The following COL10A1 variants were observed in gnomAD, a reference collection of about 807,000 sequenced individuals.
COL10A1 encodes the protein collagen type X alpha 1 chain.
Under a neutral mutation model 18.2 loss-of-function variants are expected in COL10A1, and 10 were observed. That is an observed-to-expected ratio of 0.55 (90% CI 0.34 to 0.93). The LOEUF (loss-of-function observed/expected upper bound fraction) is 0.93, where lower values mean the gene tolerates loss of function less well. COL10A1 is among the 40% of genes least tolerant of loss of function. The probability of loss-of-function intolerance (pLI) is 0.02; values close to 1 mark genes in which losing one functional copy is unlikely to be tolerated. For missense variants in COL10A1, 897 were observed against 853.5 expected, an observed-to-expected ratio of 1.05 and a Z score of -0.64; for synonymous variants, 330 against 316.6, an observed-to-expected ratio of 1.04 and a Z score of -0.45.
At chr6:116,124,932 A>G (rs548283277) in intron 2 of COL10A1, among the ~76,000 whole-genome samples, 1 of 152,304 alleles carries the variant, frequency 6.6e-6, no homozygotes, top group African/African-American at 2.4e-5. Context: ...TTTAAAAGTA[A>G]ATGTTTAATA....
the COL10A1 span, among the ~76,000 whole-genome samples, chr6:116,172,133 T>C: frequency 6.6e-6 from 1 of 152,194 alleles, no homozygotes; most frequent in Admixed American, 6.5e-5. Context: ...TCCTAACCTG[T>C]TGTAAATTTG....
upstream of COL10A1, among the ~76,000 whole-genome samples, chr6:116,131,106 C>T (rs201995300): frequency 1.9e-4 from 29 of 152,036 alleles, no homozygotes; most frequent in East Asian, 5.0e-3. Context: ...CTCTGGTGTT[C>T]GGATATATGT....
chr6:116,137,527 C>T (rs1779641334), intron 1 of COL10A1: 1 of 211,748 alleles, frequency 4.7e-6, no homozygotes, highest in South Asian at 8.9e-5. Flanking sequence ...ATGTATTTCA[C>T]AGTCTCCTCA....
chr6:116,141,147 G>A (rs1185156832), intron 1 of COL10A1, among the ~76,000 whole-genome samples: 1 of 152,044 alleles, frequency 6.6e-6, no homozygotes, highest in Non-Finnish European at 1.5e-5. Flanking sequence ...TCATTTTATT[G>A]TATTTGTATG....
intron 2 of COL10A1, among the ~76,000 whole-genome samples, chr6:116,123,795 T>G (rs1007626753): frequency 6.6e-6 from 1 of 152,092 alleles, no homozygotes; most frequent in African/African-American, 2.4e-5. Context: ...TGTTAAGATA[T>G]TTTCATTTGT....
At chr6:116,158,435 A>T (rs990571223) in intron 1 of COL10A1, among the ~76,000 whole-genome samples, 2 of 152,350 alleles carry the variant, frequency 1.3e-5, no homozygotes, top group East Asian at 3.9e-4. Context: ...AGTGAAGACA[A>T]GAAGATAAAA....
intron 1 of COL10A1, among the ~76,000 whole-genome samples, chr6:116,141,885 AACACACACACACACACACACAC>A (rs3051942): frequency 3.6e-5 from 5 of 140,404 alleles, no homozygotes; most frequent in Admixed American, 7.1e-5. Flanking sequence ...CCAAAAAGAA[AACACACACACACACACACACAC>A]ACACACACAC....
In COL10A1 at chr6:116,120,999, G is replaced by T. The variant is rs1483675472; in HGVS notation, c.1117C>A (p.Pro373Thr). 1 of 1,613,620 alleles carries T rather than the reference G, an allele frequency of 6.2e-7. No individual in the cohort carries two copies. The highest frequency in any genetic ancestry group is 8.5e-7 in the Non-Finnish European group (1 of 1,179,852). ...GAACCCCTTTCACCCTTAGCCCCAG[G>T]GTATCCTGCAGGCCCAGCTGGCCCT... ...ETGPAGPAGY[P>T]GAKGERGSPG... The change falls in exon 3 of 3, where the codon CCT becomes ACT. Residue 373 changes from proline to threonine, a missense_variant. Transcript: ENST00000651968.
the COL10A1 span, among the ~76,000 whole-genome samples, chr6:116,164,610 C>T: frequency 1.3e-5 from 2 of 152,048 alleles, no homozygotes; most frequent in Non-Finnish European, 2.9e-5. Context: ...TGTTCCTTGC[C>T]TAATATTGTT....
intron 1 of COL10A1, among the ~76,000 whole-genome samples, chr6:116,139,535 G>A (rs1447002425): frequency 6.6e-6 from 1 of 152,022 alleles, no homozygotes; most frequent in African/African-American, 2.4e-5. Flanking sequence ...CATTTAAAAT[G>A]CATTTTACTT....
chr6:116,201,477 C>T, the COL10A1 span, among the ~76,000 whole-genome samples: 1 of 151,912 alleles, frequency 6.6e-6, no homozygotes, highest in Non-Finnish European at 1.5e-5. Flanking sequence ...ATCAAATTTC[C>T]CTAATGAGAC....
the COL10A1 span, among the ~76,000 whole-genome samples, chr6:116,172,317 C>CTTTTTTTT: frequency 9.3e-6 from 1 of 108,024 alleles, no homozygotes; most frequent in Non-Finnish European, 1.8e-5. Flanking sequence ...CCCTTAGTAA[C>CTTTTTTTT]TTTTTTTTTT....
At chr6:116,190,861 A>C in the COL10A1 span, among the ~76,000 whole-genome samples, 142 of 152,106 alleles carry the variant, frequency 9.3e-4, 8 homozygotes, top group East Asian at 0.025. Flanking sequence ...TTTCGTTGGG[A>C]TGGGTTCTGT....
chr6:116,156,705 T>C (rs1248155838), intron 1 of COL10A1, among the ~76,000 whole-genome samples: 2 of 152,236 alleles, frequency 1.3e-5, no homozygotes, highest in East Asian at 1.9e-4. Context: ...TATTGTACTT[T>C]CATAATATTT....
intron 1 of COL10A1, among the ~76,000 whole-genome samples, chr6:116,148,206 G>A (rs1779946874): frequency 6.6e-6 from 1 of 152,134 alleles, no homozygotes; most frequent in African/African-American, 2.4e-5. Flanking sequence ...GAGGCAAATT[G>A]AGTAAGTTGG....
At chr6:116,202,626 CAG>C in the COL10A1 span, among the ~76,000 whole-genome samples, 1 of 151,892 alleles carries the variant, frequency 6.6e-6, no homozygotes, top group African/African-American at 2.4e-5. Flanking sequence ...GTGGTATTTA[CAG>C]AGTCATATGA....
At chr6:116,208,930 G>T in the COL10A1 span, among the ~76,000 whole-genome samples, 17 of 152,050 alleles carry the variant, frequency 1.1e-4, no homozygotes, top group African/African-American at 4.1e-4. Flanking sequence ...TTACATCATG[G>T]CTGGGGATCC....
At chr6:116,161,740 AT>A (rs1780336449), upstream of COL10A1, among the ~76,000 whole-genome samples, 1 of 152,124 alleles carries the variant, frequency 6.6e-6, no homozygotes, top group Non-Finnish European at 1.5e-5. Flanking sequence ...GAATTTTATA[AT>A]TGTTTTTTCT....
chr6:116,182,549 T>G, the COL10A1 span, among the ~76,000 whole-genome samples: 6 of 151,532 alleles, frequency 4.0e-5, no homozygotes, highest in South Asian at 8.4e-4. Context: ...CCAACACCTA[T>G]TTTTTTTTAT....
Sources: allele counts gnomAD v4.1 joint callset (sites outside exome capture counted in the v4.1 genomes callset), GRCh38; gene constraint gnomAD v4.1.1; transcripts MANE v1.5; gene names NCBI Gene and HGNC (gene_info 2026-07-23, HGNC 2026-07-21).